CENPK: variants seen among roughly 807,000 people sequenced by gnomAD.
CENPK encodes the protein SoxLZ/Sox6-binding protein Solt.
In CENPK, 46 loss-of-function variants were observed where a neutral mutation model predicts 40.9. That is an observed-to-expected ratio of 1.13 (90% CI 0.89 to 1.44). The LOEUF (loss-of-function observed/expected upper bound fraction) is 1.44. Among genes scored for constraint, CENPK ranks in the 40% most tolerant of loss-of-function variants. CENPK has a pLI of 0.00. For missense variants in CENPK, 288 were observed against 303.5 expected (o/e 0.95, Z 0.38); for synonymous variants, 107 against 104.4 (o/e 1.02, Z -0.15).
chr5:65,528,839 T>C lies in CENPK; in HGVS notation c.470+80A>G. 6.1e-6 allele frequency: 6 copies of C among 986,466 alleles called. No homozygotes were observed. The South Asian group carries it at 1.0e-4, about 17-fold the overall frequency. 61.1% of individuals were successfully genotyped at this position (986,466 alleles called of 1,614,324 possible). ...CAAGACTCCTGATTCCTGGTAACAT[T>C]TAACTTCATCTATGTTTCATGTAAC... On this transcript the variant is annotated intron_variant, in intron 8 of 10. Coordinates refer to ENST00000396679, the MANE Select transcript of CENPK (RefSeq NM_022145.5).
rs1284737159 is a variant in CENPK at position 65,545,322 on chromosome 5, GCGCACACACACACACACACACACACA to G, written c.242-2500_242-2475del. On this transcript the variant is annotated intron_variant, in intron 5 of 10. Coordinates refer to ENST00000396679, the MANE Select transcript of CENPK (RefSeq NM_022145.5). ...AAGACAAAGAAAAAGTCCTCAAAGC[GCGCACACACACACACACACACACACA>G]CACACACACACACACACACACACAC... 1.9e-3 allele frequency among the ~76,000 whole-genome samples: 255 copies of G among 133,176 alleles called. 6 individuals are homozygous for G. The East Asian group carries it at 0.026, about 13-fold the overall frequency. 87.4% of individuals were successfully genotyped at this position (133,176 alleles called of 152,430 possible). A position where few individuals can be genotyped will look rare whatever the true frequency, so the allele number is the denominator to read the frequency against.
chr5:65,542,674 T>C (rs1293863020), intron 6 of CENPK, 128 bp downstream of exon 6: 3 of 646,992 alleles, frequency 4.6e-6, no homozygotes. Context: ...CAATAAAACA[T>C]AAATAAAAGC....
intron 1 of CENPK, among the ~76,000 whole-genome samples, chr5:65,561,863 C>A (rs1386644310): frequency 1.3e-5 from 2 of 152,156 alleles, no homozygotes; most frequent in East Asian, 1.9e-4. Flanking sequence ...AAAATACATT[C>A]ATTTATTCAA....
intron 6 of CENPK, among the ~76,000 whole-genome samples, chr5:65,540,667 C>T (rs1338680502): frequency 6.6e-6 from 1 of 152,128 alleles, no homozygotes; most frequent in Non-Finnish European, 1.5e-5. Flanking sequence ...CCCAAAAGAA[C>T]TGGGTTTGGG....
chr5:65,536,641 T>C (rs535318082), intron 6 of CENPK, among the ~76,000 whole-genome samples: 2 of 127,786 alleles, frequency 1.6e-5, no homozygotes, highest in Non-Finnish European at 3.4e-5. Context: ...AATATATATA[T>C]ATGTAGGGAT....
Position 65,543,771 on chromosome 5 carries a change from A to G in CENPK, c.242-923T>C, listed in dbSNP as rs1157271523. ...TTTATGTACTGGTGCTCTCATTTCT[A>G]TAGAACAGATTCTCAGAAATGAAAT... On this transcript the variant is annotated intron_variant, in intron 5 of 10. Transcript: ENST00000396679. Among the ~76,000 whole-genome samples, 3 of 152,222 alleles carry G rather than the reference A, an allele frequency of 2.0e-5. No homozygotes were observed. In the East Asian group the frequency reaches 5.8e-4, roughly 29 times the overall value.
the CENPK span, among the ~76,000 whole-genome samples, chr5:65,496,193 G>C: frequency 1.3e-5 from 2 of 152,234 alleles, no homozygotes; most frequent in African/African-American, 4.8e-5. Flanking sequence ...GGGAGGTTGA[G>C]GTTGCAGTGA....
intron 5 of CENPK, chr5:65,551,249 CAAAAAAAAAA>C (rs58442174): frequency 1.2e-4 from 14 of 112,178 alleles, no homozygotes; most frequent in Admixed American, 1.7e-4. Flanking sequence ...GACCCTGTCT[CAAAAAAAAAA>C]AAAAAAAAAA....
intron 6 of CENPK, among the ~76,000 whole-genome samples, chr5:65,536,652 T>TC (rs1746953160): frequency 6.6e-6 from 1 of 151,228 alleles, no homozygotes; most frequent in South Asian, 2.1e-4. Context: ...ATGTAGGGAT[T>TC]GGGGGGGAGA....
intron 6 of CENPK, among the ~76,000 whole-genome samples, chr5:65,531,412 T>G (rs1263044243): frequency 1.3e-5 from 2 of 151,284 alleles, no homozygotes; most frequent in East Asian, 3.9e-4. Context: ...TGTCTTTTTT[T>G]TTTTTTCATC....
At chr5:65,498,063 A>G in the CENPK span, among the ~76,000 whole-genome samples, 1 of 152,180 alleles carries the variant, frequency 6.6e-6, no homozygotes, top group African/African-American at 2.4e-5. Flanking sequence ...TATAATTGGT[A>G]TGAATTGTTT....
downstream of CENPK, among the ~76,000 whole-genome samples, chr5:65,517,068 AG>A (rs1232769337): frequency 1.3e-5 from 2 of 151,946 alleles, no homozygotes; most frequent in African/African-American, 4.8e-5. Flanking sequence ...TCAGCCTTCA[AG>A]TAGCTGGGAT....
chr5:65,556,320 T>A (rs897747992), intron 2 of CENPK, among the ~76,000 whole-genome samples: 5 of 151,816 alleles, frequency 3.3e-5, no homozygotes, highest in Admixed American at 1.3e-4. Context: ...AAAAAAATTT[T>A]AAAAATTAGC....
chr5:65,537,663 CAG>C (rs1217199183), intron 6 of CENPK, among the ~76,000 whole-genome samples: 24 of 152,324 alleles, frequency 1.6e-4, no homozygotes, highest in African/African-American at 5.8e-4. Flanking sequence ...CAGAAGAAAA[CAG>C]ACTAAGACAG....
In CENPK at chr5:65,554,835, T is replaced by TTA; in HGVS notation, c.72_73insTA (p.Ile25Ter). ...TTCCACATTTCTTCACATTCTCTAA[T>TTA]AAGTTCTTCTTCAGTATTTGTAACA... On this transcript the variant is annotated frameshift_variant, in exon 3 of 11. Coordinates refer to ENST00000396679, the MANE Select transcript of CENPK (RefSeq NM_022145.5). LOFTEE classifies it high-confidence loss of function. The TTA allele has an allele frequency of 1.2e-6, 2 of 1,601,104 alleles. No homozygotes were observed. The highest frequency in any genetic ancestry group is 1.1e-5 in the South Asian group (1 of 90,766).
At chr5:65,544,633 T>C (rs1239763130) in intron 5 of CENPK, among the ~76,000 whole-genome samples, 2 of 152,170 alleles carry the variant, frequency 1.3e-5, no homozygotes, top group Non-Finnish European at 2.9e-5. Context: ...GCAACCGAAG[T>C]TTCCGTTGAC....
At position 65,518,623 on chromosome 5, in the gene CENPK, T is replaced by C. The variant is rs1210752666; in HGVS notation, c.662A>G (p.Asn221Ser). ...TLHEMLEILI[N>S]RLFDVPHDPY... ...ATCATGTGGAACATCAAATAATCTATTTATAAGAATCTAGGAGAAAATATC... is the reference window on the plus strand; with the variant it reads ...ATCATGTGGAACATCAAATAATCTACTTATAAGAATCTAGGAGAAAATATC... The change falls in exon 11 of 11, where the codon AAT becomes AGT. Residue 221 changes from asparagine to serine, a missense_variant. Asn to Ser is a conservative substitution (Grantham distance 46). Coordinates refer to ENST00000396679, the MANE Select transcript of CENPK (RefSeq NM_022145.5). 8 of 1,573,878 alleles carry C rather than the reference T, an allele frequency of 5.1e-6. No homozygotes were observed. In the African/African-American group the frequency reaches 6.8e-5, roughly 13 times the overall value.
At chr5:65,516,394 AAT>A (rs1407159826), downstream of CENPK, among the ~76,000 whole-genome samples, 1 of 152,194 alleles carries the variant, frequency 6.6e-6, no homozygotes, top group African/African-American at 2.4e-5. Context: ...CATCTTGTAC[AAT>A]TCCATTGTCT....
chr5:65,542,779 T>C (rs747747373), intron 6 of CENPK, 23 bp downstream of exon 6: 2 of 1,586,180 alleles, frequency 1.3e-6, no homozygotes, highest in South Asian at 2.3e-5. Context: ...TTGGGGTCAC[T>C]ACAAATTCAT....
Sources: gnomAD v4.1 joint callset for allele counts (sites outside exome capture counted in the v4.1 genomes callset) on GRCh38, gnomAD v4.1.1 for gene constraint, MANE v1.5 for transcripts, NCBI Gene and HGNC (gene_info 2026-07-23, HGNC 2026-07-21) for gene names.